The following ADGRL2 variants were observed in gnomAD, a reference collection of about 807,000 sequenced individuals.
ADGRL2 encodes the protein calcium-independent alpha-latrotoxin receptor 2.
In ADGRL2, 44 loss-of-function variants were observed where a neutral mutation model predicts 157.4. That is an observed-to-expected ratio of 0.28 (90% CI 0.22 to 0.36). ADGRL2 has a LOEUF of 0.36. Ranked by LOEUF, ADGRL2 falls within the 10% of genes least tolerant of loss-of-function variation. ADGRL2 has a pLI of 1.00. For missense variants in ADGRL2, 1,510 were observed against 1,768.9 expected (o/e 0.85, Z 2.63); for synonymous variants, 585 against 624.7 (o/e 0.94, Z 0.95).
At chr1:81,800,435 A>T (rs772785746), upstream of ADGRL2, 6 of 152,028 alleles carry the variant, frequency 3.9e-5, no homozygotes, top group Non-Finnish European at 8.8e-5. Flanking sequence ...GCAGTTACAC[A>T]AAAGGAGGGC....
chr1:81,424,780 T>G (rs2077182406), intron 1 of ADGRL2, among the ~76,000 whole-genome samples: 1 of 152,188 alleles, frequency 6.6e-6, no homozygotes, highest in African/African-American at 2.4e-5. Flanking sequence ...GTCTGCCCAG[T>G]TACCTTCCAA....
At chr1:81,502,782 C>T (rs2078882219) in intron 2 of ADGRL2, 4 of 1,613,008 alleles carry the variant, frequency 2.5e-6, no homozygotes, top group East Asian at 2.2e-5. Flanking sequence ...CCAGCTACAG[C>T]TCCTCCCTCT....
chr1:81,812,737 T>C (rs2089997924), intron 1 of ADGRL2, among the ~76,000 whole-genome samples: 1 of 151,810 alleles, frequency 6.6e-6, no homozygotes, highest in Non-Finnish European at 1.5e-5. Flanking sequence ...ATGAGTTGCA[T>C]ATGTGCTTTT....
chr1:81,725,184 G>T (rs1360924766), intron 1 of ADGRL2, among the ~76,000 whole-genome samples: 1 of 127,898 alleles, frequency 7.8e-6, no homozygotes, highest in Non-Finnish European at 1.6e-5. Flanking sequence ...TAGTCTGGGC[G>T]AAAGGTGAGA....
At chr1:81,839,872 C>CAT (rs202169115) in intron 2 of ADGRL2, among the ~76,000 whole-genome samples, 13 of 130,210 alleles carry the variant, frequency 1.0e-4, no homozygotes, top group South Asian at 2.5e-4. Context: ...TATTTTCCAT[C>CAT]ATATATATAT....
At chr1:81,747,209 G>C (rs1302839085) in intron 1 of ADGRL2, among the ~76,000 whole-genome samples, 7 of 145,726 alleles carry the variant, frequency 4.8e-5, no homozygotes, top group Admixed American at 6.9e-5. Flanking sequence ...GTATATATAT[G>C]TATGTGTGTA....
chr1:81,968,003 T>G, intron 13 of ADGRL2, 23 bp from the exon 14 acceptor site: 1 of 1,601,362 alleles, frequency 6.2e-7, no homozygotes, highest in Non-Finnish European at 8.6e-7. Flanking sequence ...ATCCTAATTT[T>G]ATCTTGTCAT....
intron 3 of ADGRL2, among the ~76,000 whole-genome samples, chr1:81,691,031 G>C (rs2083322901): frequency 6.6e-6 from 1 of 152,214 alleles, no homozygotes. Context: ...AGATTCGTAT[G>C]AGATTTTTGG....
intron 1 of ADGRL2, among the ~76,000 whole-genome samples, chr1:81,818,401 A>G (rs1330635876): frequency 1.3e-5 from 2 of 152,148 alleles, no homozygotes; most frequent in Non-Finnish European, 1.5e-5. Flanking sequence ...CTACATTGCC[A>G]CAGAGGTTAT....
At chr1:81,747,026 G>GTA (rs921735069) in intron 1 of ADGRL2, among the ~76,000 whole-genome samples, 3 of 142,638 alleles carry the variant, frequency 2.1e-5, no homozygotes, top group Admixed American at 7.0e-5. Context: ...GTATACACGT[G>GTA]TATATACGTA....
intron 1 of ADGRL2, among the ~76,000 whole-genome samples, chr1:81,813,783 T>C (rs1025605920): frequency 1.3e-5 from 2 of 151,734 alleles, no homozygotes; most frequent in African/African-American, 4.8e-5. Context: ...AAATGGGATC[T>C]GATGTTATAG....
chr1:81,975,553 A>G (rs1212030610), intron 17 of ADGRL2, among the ~76,000 whole-genome samples: 5 of 151,492 alleles, frequency 3.3e-5, no homozygotes, highest in Non-Finnish European at 7.4e-5. Flanking sequence ...GATGGTTGTG[A>G]TTTATTTTGT....
intron 3 of ADGRL2, among the ~76,000 whole-genome samples, chr1:81,909,886 G>GTAT (rs2148373960): frequency 6.6e-6 from 1 of 152,104 alleles, no homozygotes; most frequent in African/African-American, 2.4e-5. Flanking sequence ...ATTGTTGGAG[G>GTAT]TACTGTAGTT....
In ADGRL2 at chr1:81,356,624, T is replaced by G. The variant is rs1332851427; in HGVS notation, c.-302+50115T>G. Among the ~76,000 whole-genome samples the G allele has an allele frequency of 2.6e-5, 4 of 152,276 alleles. No homozygotes were observed. The East Asian group carries it at 5.8e-4, about 22-fold the overall frequency. ...AGAAACCTTCTAAGCATCTTCTCAG[T>G]GGGATGTTTCTGTTTGTCTTCAGGA... On this transcript the variant is annotated intron_variant, in intron 1 of 24. Coordinates refer to the ADGRL2 transcript ENST00000370721.
intron 21 of ADGRL2, 117 bp downstream of exon 21, chr1:81,985,472 C>G: frequency 1.9e-6 from 1 of 520,578 alleles, no homozygotes; most frequent in Non-Finnish European, 3.5e-6. Context: ...GGATGCGGCT[C>G]GAAGGTAATT....
intron 2 of ADGRL2, among the ~76,000 whole-genome samples, chr1:81,903,846 C>CACACAT (rs556699551): frequency 0.022 from 3,217 of 145,684 alleles, 63 homozygotes; most frequent in African/African-American, 0.024. Flanking sequence ...CACACACACA[C>CACACAT]ATATTTGGTT....
chr1:81,420,282 T>C (rs532060151), intron 1 of ADGRL2, among the ~76,000 whole-genome samples: 5 of 152,336 alleles, frequency 3.3e-5, no homozygotes, highest in Admixed American at 2.0e-4. Flanking sequence ...TTCAATCTCA[T>C]TTGATGTCTG....
At chr1:81,474,778 T>C (rs945640569) in intron 2 of ADGRL2, among the ~76,000 whole-genome samples, 6 of 152,240 alleles carry the variant, frequency 3.9e-5, no homozygotes, top group Admixed American at 3.9e-4. Context: ...AAGATCCTTA[T>C]GAAATTTCTT....
At chr1:81,493,497 G>C (rs908737315) in intron 2 of ADGRL2, among the ~76,000 whole-genome samples, 2 of 152,068 alleles carry the variant, frequency 1.3e-5, no homozygotes, top group Non-Finnish European at 2.9e-5. Context: ...TCTCAAAAGT[G>C]TTCTATTTGT....
Sources: gnomAD v4.1 joint callset for allele counts (sites outside exome capture counted in the v4.1 genomes callset) on GRCh38, gnomAD v4.1.1 for gene constraint, MANE v1.5 for transcripts, NCBI Gene and HGNC (gene_info 2026-07-23, HGNC 2026-07-21) for gene names.